The following SPMIP3 variants were observed in gnomAD, a reference collection of about 807,000 sequenced individuals.
The protein encoded by SPMIP3 is protein SPMIP3.
the SPMIP3 span, among the ~76,000 whole-genome samples, chr1:244,379,076 C>T: frequency 2.6e-5 from 4 of 151,882 alleles, no homozygotes; most frequent in African/African-American, 2.4e-5. Context: ...CTACAGGCGC[C>T]GCCACCACAC....
chr1:244,388,357 T>G, the SPMIP3 span, among the ~76,000 whole-genome samples: 1 of 152,204 alleles, frequency 6.6e-6, no homozygotes, highest in Non-Finnish European at 1.5e-5. Context: ...CCTAATATAC[T>G]TAAAGCCTTT....
the SPMIP3 span, among the ~76,000 whole-genome samples, chr1:244,379,635 C>A: frequency 8.5e-5 from 13 of 152,130 alleles, no homozygotes; most frequent in African/African-American, 2.7e-4. Flanking sequence ...AGGCATGTTT[C>A]AAAAATTCTA....
chr1:244,375,845 T>C, the SPMIP3 span, among the ~76,000 whole-genome samples: 1 of 152,056 alleles, frequency 6.6e-6, no homozygotes, highest in South Asian at 2.1e-4. Flanking sequence ...TTTTGTATTT[T>C]TAGTAGAGAT....
chr1:244,382,038 G>A, the SPMIP3 span, among the ~76,000 whole-genome samples: 2 of 152,210 alleles, frequency 1.3e-5, no homozygotes, highest in Admixed American at 6.5e-5. Context: ...ATACCAGGGG[G>A]CAAGAATCAC....
chr1:244,366,424 CAA>C, the SPMIP3 span, among the ~76,000 whole-genome samples: 1 of 152,190 alleles, frequency 6.6e-6, no homozygotes, highest in African/African-American at 2.4e-5. Flanking sequence ...CTTGGTATCA[CAA>C]AGTGTGGGAT....
the SPMIP3 span, among the ~76,000 whole-genome samples, chr1:244,378,823 C>T: frequency 6.7e-6 from 1 of 150,126 alleles, no homozygotes; most frequent in South Asian, 2.2e-4. Context: ...AGGCTCCCCG[C>T]TACCTAGTTC....
At chr1:244,364,711 T>C in the SPMIP3 span, 1 of 1,614,098 alleles carries the variant, frequency 6.2e-7, no homozygotes, top group Non-Finnish European at 8.5e-7. Flanking sequence ...ATGACTGCCA[T>C]CCGACTACGA....
At chr1:244,384,985 T>C in the SPMIP3 span, among the ~76,000 whole-genome samples, 1 of 152,172 alleles carries the variant, frequency 6.6e-6, no homozygotes, top group Non-Finnish European at 1.5e-5. Context: ...CACCACAACC[T>C]CCACCTCCCA....
chr1:244,363,130 G>A, the SPMIP3 span, among the ~76,000 whole-genome samples: 1 of 152,200 alleles, frequency 6.6e-6, no homozygotes, highest in South Asian at 2.1e-4. Context: ...TGTGGGCCAG[G>A]TACGGTGGCT....
the SPMIP3 span, chr1:244,375,325 T>A: frequency 6.2e-6 from 9 of 1,454,528 alleles, no homozygotes; most frequent in African/African-American, 9.8e-5. Flanking sequence ...TGGAATGAAC[T>A]AATTGTAAGA....
the SPMIP3 span, among the ~76,000 whole-genome samples, chr1:244,374,245 C>G: frequency 6.6e-6 from 1 of 152,170 alleles, no homozygotes; most frequent in African/African-American, 2.4e-5. Context: ...CTTGTCCCAC[C>G]TCTTCTTACG....
At chr1:244,381,146 T>C in the SPMIP3 span, among the ~76,000 whole-genome samples, 1 of 151,448 alleles carries the variant, frequency 6.6e-6, no homozygotes, top group South Asian at 2.1e-4. Context: ...GGGTTAGGGC[T>C]GAAGGATGTA....
the SPMIP3 span, among the ~76,000 whole-genome samples, chr1:244,382,573 G>A: frequency 1.3e-5 from 2 of 151,172 alleles, no homozygotes; most frequent in African/African-American, 2.4e-5. Context: ...ATATTTTAAC[G>A]GCATTATTTG....
At chr1:244,364,531 A>G in the SPMIP3 span, among the ~76,000 whole-genome samples, 1 of 151,534 alleles carries the variant, frequency 6.6e-6, no homozygotes, top group African/African-American at 2.4e-5. Flanking sequence ...CTAATCTTGT[A>G]TTTCCTTCCC....
the SPMIP3 span, among the ~76,000 whole-genome samples, chr1:244,378,938 T>G: frequency 6.6e-6 from 1 of 152,182 alleles, no homozygotes; most frequent in Non-Finnish European, 1.5e-5. Context: ...TTTTTATTTT[T>G]ATTTTTTTGA....
At chr1:244,376,201 G>T in the SPMIP3 span, among the ~76,000 whole-genome samples, 2 of 152,132 alleles carry the variant, frequency 1.3e-5, no homozygotes, top group East Asian at 3.9e-4. Flanking sequence ...AGCACGGTCA[G>T]ATTCTTGTTC....
At chr1:244,360,206 G>A in the SPMIP3 span, among the ~76,000 whole-genome samples, 1 of 152,098 alleles carries the variant, frequency 6.6e-6, no homozygotes, top group African/African-American at 2.4e-5. Context: ...TTATCCAAAA[G>A]CCAGGCAATG....
the SPMIP3 span, among the ~76,000 whole-genome samples, chr1:244,366,809 G>A: frequency 6.6e-6 from 1 of 152,140 alleles, no homozygotes; most frequent in East Asian, 1.9e-4. Context: ...GAACCCAGGA[G>A]GCAGAGGTTG....
At chr1:244,377,518 T>C in the SPMIP3 span, among the ~76,000 whole-genome samples, 1 of 152,252 alleles carries the variant, frequency 6.6e-6, no homozygotes, top group Non-Finnish European at 1.5e-5. Flanking sequence ...GTCCCACTCT[T>C]TTTATTATCA....
Sources: allele counts gnomAD v4.1 joint callset (sites outside exome capture counted in the v4.1 genomes callset), GRCh38; gene constraint gnomAD v4.1.1; transcripts MANE v1.5; gene names NCBI Gene and HGNC (gene_info 2026-07-23, HGNC 2026-07-21).